MCC: variants seen among roughly 807,000 people sequenced by gnomAD.
MCC encodes the protein MCC regulator of Wnt signaling pathway.
MCC carries 90 observed loss-of-function variants against 116.2 expected under a neutral mutation model. That is an observed-to-expected ratio of 0.77 (90% CI 0.65 to 0.92). The LOEUF (loss-of-function observed/expected upper bound fraction) is 0.92. Among genes scored for constraint, MCC ranks in the 40% least tolerant of loss-of-function variants. The pLI, the probability that MCC is intolerant of heterozygous loss-of-function variation, is 0.00. For synonymous variants in MCC, 578 were observed against 510.5 expected, an observed-to-expected ratio of 1.13 and a Z score of -1.78; for missense variants, 1,516 against 1,312.2, an observed-to-expected ratio of 1.16 and a Z score of -2.40.
At chr5:113,245,419 A>G (rs78912143) in intron 3 of MCC, among the ~76,000 whole-genome samples, 2,198 of 152,072 alleles carry the variant, frequency 0.014, 61 homozygotes, top group African/African-American at 0.049. Flanking sequence ...TTTTAACCCA[A>G]TGAAATATTT....
intron 11 of MCC, among the ~76,000 whole-genome samples, chr5:113,081,490 C>T (rs944025550): frequency 4.6e-5 from 7 of 152,128 alleles, no homozygotes; most frequent in East Asian, 1.9e-4. Flanking sequence ...GTGTATATAA[C>T]GGAGTAGAAA....
At chr5:113,364,629 C>T (rs1242338337) in intron 2 of MCC, among the ~76,000 whole-genome samples, 1 of 152,218 alleles carries the variant, frequency 6.6e-6, no homozygotes. Flanking sequence ...ATTTCCCCTT[C>T]ATATTGTCCT....
chr5:113,116,581 A>G (rs144823925), intron 6 of MCC, among the ~76,000 whole-genome samples: 1 of 152,256 alleles, frequency 6.6e-6, no homozygotes, highest in South Asian at 2.1e-4. Flanking sequence ...TAAATGCTGT[A>G]GATTAATGCC....
chr5:113,445,116 T>C (rs1190340540), intron 1 of MCC, among the ~76,000 whole-genome samples: 1 of 152,192 alleles, frequency 6.6e-6, no homozygotes, highest in Non-Finnish European at 1.5e-5. Flanking sequence ...TGGTCTCATT[T>C]TCCATCCTCA....
chr5:113,335,980 T>C (rs193172512), intron 3 of MCC, among the ~76,000 whole-genome samples: 1 of 151,830 alleles, frequency 6.6e-6, no homozygotes, highest in Admixed American at 6.5e-5. Flanking sequence ...TATTGGCTTA[T>C]AGTTCTGGAG....
chr5:113,426,590 G>T (rs577211359), intron 1 of MCC, among the ~76,000 whole-genome samples: 2 of 152,156 alleles, frequency 1.3e-5, no homozygotes, highest in East Asian at 3.9e-4. Flanking sequence ...CAACACCTGC[G>T]TGGGTAGAAT....
intron 3 of MCC, among the ~76,000 whole-genome samples, chr5:113,209,464 T>C (rs1398365289): frequency 1.3e-5 from 2 of 152,096 alleles, no homozygotes; most frequent in East Asian, 3.8e-4. Context: ...ACAGAGGAAA[T>C]AGAAAGATGA....
At chr5:113,217,866 C>A (rs35676551) in intron 3 of MCC, among the ~76,000 whole-genome samples, 5,706 of 152,178 alleles carry the variant, frequency 0.037, 144 homozygotes, top group Non-Finnish European at 0.059. Context: ...TCAGAAAGGA[C>A]ATGAGCACAT....
At chr5:113,158,836 A>T (rs1561412868) in intron 3 of MCC, among the ~76,000 whole-genome samples, 1 of 152,216 alleles carries the variant, frequency 6.6e-6, no homozygotes, top group African/African-American at 2.4e-5. Context: ...CCTATGCTCA[A>T]ATCTTCTCCA....
intron 3 of MCC, among the ~76,000 whole-genome samples, chr5:113,338,498 A>G (rs1402488912): frequency 6.6e-6 from 1 of 152,200 alleles, no homozygotes; most frequent in Admixed American, 6.5e-5. Flanking sequence ...CAGAGATAGG[A>G]AACAGCCAAC....
chr5:113,488,345 T>TGCCGCCGCCGCC lies in MCC; in HGVS notation c.69_70insGGCGGCGGCGGC (p.Gly23_Ser24insGlyGlyGlyGly). 5 of 1,498,734 alleles carry TGCCGCCGCCGCC rather than the reference T, an allele frequency of 3.3e-6. No individual in the cohort carries two copies. The highest frequency in any genetic ancestry group is 3.6e-6 in the Non-Finnish European group (4 of 1,123,772). The allele number at this position is 1,498,734 out of a possible 1,614,324, so 92.8% of individuals were successfully genotyped here. On this transcript the variant is annotated inframe_insertion, in exon 1 of 19. Coordinates refer to ENST00000408903, the MANE Select transcript of MCC (RefSeq NM_001085377.2). The stretch of plus-strand genomic sequence containing the variant: ...GACGTGTCGCTGCTGCTGCTGCTGC[T>TGCCGCCGCCGCC]GCCGCTGCCGCCGCCGCCGCCGCCG...
chr5:113,029,053 T>A lies in MCC; in HGVS notation c.2760A>T (p.Glu920Asp), dbSNP rs768710996. The A allele has an allele frequency of 1.2e-6, 2 of 1,612,714 alleles. No individual in the cohort carries two copies. The highest frequency in any genetic ancestry group is 1.7e-6 in the Non-Finnish European group (2 of 1,179,420). Residue 920 changes from glutamate to aspartate, a missense_variant, in exon 18 of 19, where the codon GAA (glutamate) becomes GAT (aspartate). Transcript: ENST00000408903. ...CTTGAACTCTGGCCTTCAACTTCTT[T>A]TCTCTATATTAAAGGAGACAAAATA... The part of the protein sequence containing the change: ...AAEFTNAIRR[E>D]KKLKARVQEL...
chr5:113,452,798 C>A (rs1771438219), intron 1 of MCC, among the ~76,000 whole-genome samples: 1 of 152,194 alleles, frequency 6.6e-6, no homozygotes, highest in South Asian at 2.1e-4. Context: ...ATTGCAGGTG[C>A]ATGCACAGGT....
At chr5:113,298,019 A>G (rs1016630989) in intron 3 of MCC, among the ~76,000 whole-genome samples, 2 of 152,172 alleles carry the variant, frequency 1.3e-5, no homozygotes, top group Non-Finnish European at 2.9e-5. Flanking sequence ...GGAGCTTGAA[A>G]TGGAATTATG....
At chr5:113,468,227 G>T (rs1183527202) in intron 1 of MCC, among the ~76,000 whole-genome samples, 1 of 152,158 alleles carries the variant, frequency 6.6e-6, no homozygotes, top group Non-Finnish European at 1.5e-5. Flanking sequence ...TGTTGAATAG[G>T]AGTGGTGAGA....
intron 3 of MCC, among the ~76,000 whole-genome samples, chr5:113,209,552 ATAATTTTATTG>A (rs1284104440): frequency 1.3e-5 from 2 of 152,232 alleles, no homozygotes; most frequent in Non-Finnish European, 1.5e-5. Context: ...TATGGCTGCA[ATAATTTTATTG>A]TAAAGACCCA....
intron 2 of MCC, among the ~76,000 whole-genome samples, chr5:113,377,303 G>A (rs1486199625): frequency 6.6e-6 from 1 of 152,104 alleles, no homozygotes; most frequent in Non-Finnish European, 1.5e-5. Context: ...GGGTTGTATA[G>A]GGGTCATAAG....
intron 4 of MCC, among the ~76,000 whole-genome samples, chr5:113,149,969 G>A (rs1759750735): frequency 6.6e-6 from 1 of 152,140 alleles, no homozygotes; most frequent in South Asian, 2.1e-4. Context: ...GCTAAAACTA[G>A]GAGGGGTTTT....
intron 1 of MCC, among the ~76,000 whole-genome samples, chr5:113,484,247 A>C (rs348961): frequency 0.69 from 104,750 of 151,922 alleles, 36,538 homozygotes; most frequent in East Asian, 0.88. Context: ...ACCTATGGAA[A>C]AAATCTGCAC....
Sources: gnomAD v4.1 joint callset for allele counts (sites outside exome capture counted in the v4.1 genomes callset) on GRCh38, gnomAD v4.1.1 for gene constraint, MANE v1.5 for transcripts, NCBI Gene and HGNC (gene_info 2026-07-23, HGNC 2026-07-21) for gene names.